IPCEF1: variants seen among roughly 807,000 people sequenced by gnomAD.
IPCEF1 encodes the protein interactor protein for cytohesin exchange factors 1.
A neutral mutation model predicts 50.9 loss-of-function variants in IPCEF1; 31 were observed. The observed-to-expected ratio is 0.61, with a 90% CI of 0.46 to 0.82. IPCEF1 has a LOEUF of 0.82. Among genes scored for constraint, IPCEF1 ranks in the 40% least tolerant of loss-of-function variants. The pLI is 0.00. For synonymous variants in IPCEF1, 181 were observed against 192.0 expected, an observed-to-expected ratio of 0.94 and a Z score of 0.47; for missense variants, 458 against 514.0, an observed-to-expected ratio of 0.89 and a Z score of 1.05.
intron 2 of IPCEF1, among the ~76,000 whole-genome samples, chr6:154,279,802 C>T (rs1782161428): frequency 6.6e-6 from 1 of 152,182 alleles, no homozygotes; most frequent in Admixed American, 6.5e-5. Context: ...CTATAAAGAA[C>T]TCCCATGAAT....
At chr6:154,325,493 G>A (rs995353784) in intron 1 of IPCEF1, among the ~76,000 whole-genome samples, 5 of 152,182 alleles carry the variant, frequency 3.3e-5, no homozygotes, top group Non-Finnish European at 7.3e-5. Context: ...ATGTATATCT[G>A]TACTGTCTTT....
intron 1 of IPCEF1, among the ~76,000 whole-genome samples, chr6:154,335,102 C>T (rs532231429): frequency 6.6e-6 from 1 of 152,130 alleles, no homozygotes; most frequent in African/African-American, 2.4e-5. Context: ...CACTTTAGCC[C>T]AGGAGTTTGA....
At chr6:154,347,733 C>T (rs1181180454) in intron 1 of IPCEF1, among the ~76,000 whole-genome samples, 1 of 152,206 alleles carries the variant, frequency 6.6e-6, no homozygotes, top group Non-Finnish European at 1.5e-5. Flanking sequence ...CCAGAAAGTT[C>T]CAGGCATTGC....
intron 10 of IPCEF1, among the ~76,000 whole-genome samples, chr6:154,180,408 ATATATATT>A (rs1468299615): frequency 5.1e-5 from 2 of 39,498 alleles, no homozygotes; most frequent in Admixed American, 3.7e-4. Flanking sequence ...ATATATATAT[ATATATATT>A]TTTTTTTTAA....
At chr6:154,175,419 T>C (rs1800235703) in intron 10 of IPCEF1, among the ~76,000 whole-genome samples, 1 of 147,310 alleles carries the variant, frequency 6.8e-6, no homozygotes, top group Admixed American at 6.8e-5. Flanking sequence ...ACAAAATAGA[T>C]AGAATGGTAG....
At chr6:154,309,412 G>A (rs1583974353) in intron 1 of IPCEF1, among the ~76,000 whole-genome samples, 1 of 152,266 alleles carries the variant, frequency 6.6e-6, no homozygotes, top group East Asian at 1.9e-4. Context: ...CCAACCGATG[G>A]AAGAAACCAG....
At chr6:154,318,511 T>G (rs1783284869) in intron 1 of IPCEF1, among the ~76,000 whole-genome samples, 1 of 152,082 alleles carries the variant, frequency 6.6e-6, no homozygotes, top group Non-Finnish European at 1.5e-5. Flanking sequence ...AAATCTGCTT[T>G]CATTTCCACC....
chr6:154,333,589 T>C (rs933462126), intron 1 of IPCEF1, among the ~76,000 whole-genome samples: 74 of 151,530 alleles, frequency 4.9e-4, no homozygotes, highest in African/African-American at 1.7e-3. Context: ...CACATATATA[T>C]ACACATATAT....
chr6:154,258,390 C>T (rs932629332), intron 3 of IPCEF1, among the ~76,000 whole-genome samples: 1 of 152,172 alleles, frequency 6.6e-6, no homozygotes, highest in Non-Finnish European at 1.5e-5. Flanking sequence ...ACTCCTAAGC[C>T]TATTGTTTAA....
chr6:154,335,489 C>T (rs1368077696), intron 1 of IPCEF1, among the ~76,000 whole-genome samples: 1 of 152,068 alleles, frequency 6.6e-6, no homozygotes, highest in African/African-American at 2.4e-5. Flanking sequence ...CATACAGTAT[C>T]AATATAAGAA....
At chr6:154,308,712 A>C (rs762388272) in intron 1 of IPCEF1, among the ~76,000 whole-genome samples, 7 of 152,190 alleles carry the variant, frequency 4.6e-5, no homozygotes, top group Non-Finnish European at 8.8e-5. Context: ...GGATAAAACT[A>C]ATTAATTTGT....
chr6:154,220,932 G>A lies in IPCEF1; in HGVS notation c.392+325C>T, dbSNP rs552319482. On this transcript the variant is annotated intron_variant, in intron 7 of 11. Coordinates refer to ENST00000367220, the MANE Select transcript of IPCEF1 (RefSeq NM_001130700.2). Reference sequence around the variant, plus strand: ...TTTTGCATGTAGAATTCCGAAAGCTGCAAGATCAGTTACATAATACTTTCA... The same window carrying A: ...TTTTGCATGTAGAATTCCGAAAGCTACAAGATCAGTTACATAATACTTTCA... Among the ~76,000 whole-genome samples, 33 of 152,350 alleles carry A rather than the reference G, an allele frequency of 2.2e-4. 1 individual carries two copies. The South Asian group carries it at 6.8e-3, about 32-fold the overall frequency.
At chr6:154,227,317 C>T (rs1379089317) in intron 5 of IPCEF1, among the ~76,000 whole-genome samples, 1 of 152,188 alleles carries the variant, frequency 6.6e-6, no homozygotes, top group Non-Finnish European at 1.5e-5. Context: ...AGTTTCTAGA[C>T]AACTCATTTT....
At chr6:154,194,165 C>T (rs947125315) in intron 10 of IPCEF1, among the ~76,000 whole-genome samples, 1 of 152,032 alleles carries the variant, frequency 6.6e-6, no homozygotes, top group Non-Finnish European at 1.5e-5. Context: ...TTTGGGAGGC[C>T]GAGGCGGGTG....
At chr6:154,188,370 G>T (rs1372741726) in intron 10 of IPCEF1, among the ~76,000 whole-genome samples, 1 of 152,162 alleles carries the variant, frequency 6.6e-6, no homozygotes, top group African/African-American at 2.4e-5. Flanking sequence ...TAAATGGAGA[G>T]AGGTAAAGAG....
intron 11 of IPCEF1, among the ~76,000 whole-genome samples, chr6:154,165,409 TTC>T (rs1487354767): frequency 6.6e-6 from 1 of 152,190 alleles, no homozygotes; most frequent in Non-Finnish European, 1.5e-5. Flanking sequence ...ATGTACCAAG[TTC>T]TCTCTCTCCT....
intron 2 of IPCEF1, among the ~76,000 whole-genome samples, chr6:154,279,016 T>C (rs1782139063): frequency 6.7e-6 from 1 of 149,864 alleles, no homozygotes; most frequent in South Asian, 2.1e-4. Context: ...TCCCAGCTAC[T>C]TGGGAGGCTG....
chr6:154,300,316 T>G (rs1782758808), intron 1 of IPCEF1, among the ~76,000 whole-genome samples: 1 of 150,062 alleles, frequency 6.7e-6, no homozygotes, highest in Non-Finnish European at 1.5e-5. Context: ...TTTTTCTTTC[T>G]TTGTTAAACA....
At chr6:154,294,903 TA>T (rs1167189580) in intron 1 of IPCEF1, among the ~76,000 whole-genome samples, 2 of 152,072 alleles carry the variant, frequency 1.3e-5, no homozygotes, top group South Asian at 2.1e-4. Context: ...AATTATTTTT[TA>T]AAAAAAGTAC....
Sources: allele counts gnomAD v4.1 joint callset (sites outside exome capture counted in the v4.1 genomes callset), GRCh38; gene constraint gnomAD v4.1.1; transcripts MANE v1.5; gene names NCBI Gene and HGNC (gene_info 2026-07-23, HGNC 2026-07-21).